The following TNKS variants were observed in gnomAD, a reference collection of about 807,000 sequenced individuals.
TNKS encodes tankyrase.
Under a neutral mutation model 135.8 loss-of-function variants are expected in TNKS, and 72 were observed. The observed-to-expected ratio is 0.53, with a 90% CI of 0.44 to 0.64. The LOEUF is 0.64. TNKS is among the 30% of genes least tolerant of loss of function. The pLI, the probability that TNKS is intolerant of heterozygous loss-of-function variation, is 0.00. For synonymous variants in TNKS, 849 were observed against 649.3 expected (o/e 1.31, Z -4.68); for missense variants, 1,769 against 1,674.0 (o/e 1.06, Z -0.99).
intron 3 of TNKS, among the ~76,000 whole-genome samples, chr8:9,617,763 A>G (rs1466534868): frequency 6.6e-6 from 1 of 152,182 alleles, no homozygotes; most frequent in African/African-American, 2.4e-5. Context: ...GTAATATGTC[A>G]TTCTTTATTT....
At chr8:9,568,262 A>C (rs921092885) in intron 1 of TNKS, among the ~76,000 whole-genome samples, 1 of 152,096 alleles carries the variant, frequency 6.6e-6, no homozygotes, top group Admixed American at 6.6e-5. Context: ...TTTCTCAGGG[A>C]TCTGGCTTGA....
chr8:9,765,928 A>ATAAT, intron 24 of TNKS, 131 bp downstream of exon 24: 1 of 727,796 alleles, frequency 1.4e-6, no homozygotes, highest in Non-Finnish European at 2.2e-6. Context: ...TTTTGTTCAA[A>ATAAT]TAATTACTTC....
intron 3 of TNKS, among the ~76,000 whole-genome samples, chr8:9,658,764 G>C (rs1176299908): frequency 6.6e-6 from 1 of 152,182 alleles, no homozygotes; most frequent in Non-Finnish European, 1.5e-5. Context: ...TGGGCTAAAT[G>C]CTCCAATTAA....
At chr8:9,597,750 C>G (rs1034310918) in intron 2 of TNKS, among the ~76,000 whole-genome samples, 1 of 152,232 alleles carries the variant, frequency 6.6e-6, no homozygotes, top group South Asian at 2.1e-4. Flanking sequence ...ATCACAGTTG[C>G]TGTTTCTGAA....
chr8:9,676,538 C>T (rs778265283), intron 3 of TNKS, among the ~76,000 whole-genome samples: 2 of 152,134 alleles, frequency 1.3e-5, no homozygotes, highest in African/African-American at 4.8e-5. Flanking sequence ...TTCATTTTTA[C>T]TCAAAAAGTA....
chr8:9,685,774 C>A (rs73529141), intron 5 of TNKS, among the ~76,000 whole-genome samples: 1 of 152,158 alleles, frequency 6.6e-6, no homozygotes, highest in African/African-American at 2.4e-5. Context: ...TTTTTAAACA[C>A]GTGTTGATTA....
At chr8:9,654,951 C>T (rs1001088270) in intron 3 of TNKS, among the ~76,000 whole-genome samples, 3 of 152,146 alleles carry the variant, frequency 2.0e-5, no homozygotes, top group Non-Finnish European at 2.9e-5. Flanking sequence ...GGTGAGGCAT[C>T]GCCTCACCTG....
chr8:9,586,324 A>G (rs1798377500), intron 2 of TNKS, among the ~76,000 whole-genome samples: 1 of 152,218 alleles, frequency 6.6e-6, no homozygotes, highest in Non-Finnish European at 1.5e-5. Context: ...TTGGTTATCT[A>G]AATGAACTAA....
intron 3 of TNKS, among the ~76,000 whole-genome samples, chr8:9,661,520 T>C (rs914849789): frequency 6.6e-6 from 1 of 152,084 alleles, no homozygotes; most frequent in Non-Finnish European, 1.5e-5. Flanking sequence ...CTGGGAAAAC[T>C]GGCTAGCCGT....
At chr8:9,588,929 G>A (rs1250038252) in intron 2 of TNKS, among the ~76,000 whole-genome samples, 1 of 152,174 alleles carries the variant, frequency 6.6e-6, no homozygotes, top group Non-Finnish European at 1.5e-5. Flanking sequence ...TCCAAGTTGA[G>A]AGGGATAGGT....
chr8:9,772,839 G>C (rs868418664), intron 26 of TNKS, among the ~76,000 whole-genome samples: 7 of 134,454 alleles, frequency 5.2e-5, no homozygotes, highest in Non-Finnish European at 4.8e-5. Context: ...GTCTGTGTGT[G>C]TGTGTGTGTG....
chr8:9,615,649 A>T lies in TNKS; in HGVS notation c.966A>T (p.Ala322=). 4 of 1,613,340 alleles carry T rather than the reference A, an allele frequency of 2.5e-6. No individual in the cohort carries two copies. The highest frequency in any genetic ancestry group is 3.4e-6 in the Non-Finnish European group (4 of 1,179,658). ...ATGGGAAATCAGCCCTGGACCTGGC[A>T]GATCCTTCAGCAAAAGCTGTCCTTA... ...NTDGKSALDL[A]DPSAKAVLTG... is the part of the protein sequence containing the mutation. Residue 322 remains alanine (A), a synonymous_variant, in exon 3 of 27, where the codon GCA becomes GCT. Coordinates refer to ENST00000310430, the MANE Select transcript of TNKS (RefSeq NM_003747.3).
chr8:9,626,532 A>G (rs1047508563), intron 3 of TNKS, among the ~76,000 whole-genome samples: 2 of 152,172 alleles, frequency 1.3e-5, no homozygotes, highest in Non-Finnish European at 2.9e-5. Flanking sequence ...TCAGTTTGAG[A>G]TCTTCATAGT....
chr8:9,752,736 C>T (rs551699603), intron 20 of TNKS, 110 bp downstream of exon 20: 2 of 688,318 alleles, frequency 2.9e-6, no homozygotes, highest in East Asian at 6.2e-5. Context: ...GGCAGGATTG[C>T]TTGAGCCCAG....
intron 3 of TNKS, among the ~76,000 whole-genome samples, chr8:9,647,223 T>G (rs1024880471): frequency 2.6e-5 from 4 of 152,186 alleles, no homozygotes; most frequent in African/African-American, 9.7e-5. Flanking sequence ...CTTACCTTTG[T>G]TCACTTTTTG....
In TNKS at chr8:9,580,423, T is replaced by G. The variant is rs538903139; in HGVS notation, c.898+40T>G. The G allele has an allele frequency of 1.9e-6, 3 of 1,574,256 alleles. No individual in the cohort carries two copies. The South Asian group carries it at 3.4e-5, about 18-fold the overall frequency. On this transcript the variant is annotated intron_variant, in intron 2 of 26. Coordinates refer to ENST00000310430, the MANE Select transcript of TNKS (RefSeq NM_003747.3). ...ATGATATCTAAATTTTAAATAAAGG[T>G]TTATTCTTACTTTTTTTGTGGTACA...
intron 2 of TNKS, among the ~76,000 whole-genome samples, chr8:9,608,229 C>T (rs73537971): frequency 0.093 from 14,177 of 152,198 alleles, 698 homozygotes; most frequent in South Asian, 0.18. Context: ...GCATGAGACA[C>T]CATGCTCAGC....
rs544539427 is a variant in TNKS, at chr8:9,691,548, G to C, written c.1107+10748G>C. Among the ~76,000 whole-genome samples the C allele has an allele frequency of 1.5e-3, 227 of 152,252 alleles. 1 individual carries two copies. The highest frequency in any genetic ancestry group is 3.0e-3 in the Non-Finnish European group (203 of 68,004). On this transcript the variant is annotated intron_variant, in intron 5 of 26. Coordinates refer to ENST00000310430, the MANE Select transcript of TNKS (RefSeq NM_003747.3). ...GGAAAATTAGAAATGCAGAATGAGA[G>C]TTTCTAAGTCAGACTGCCTGGATTT...
At chr8:9,724,423 A>T (rs989872379) in intron 12 of TNKS, among the ~76,000 whole-genome samples, 1 of 151,732 alleles carries the variant, frequency 6.6e-6, no homozygotes, top group South Asian at 2.1e-4. Flanking sequence ...CCCCATCTCT[A>T]AAAAGAAAGA....
Sources: gnomAD v4.1 joint callset for allele counts (sites outside exome capture counted in the v4.1 genomes callset) on GRCh38, gnomAD v4.1.1 for gene constraint, MANE v1.5 for transcripts, NCBI Gene and HGNC (gene_info 2026-07-23, HGNC 2026-07-21) for gene names.